CNDP2: variants seen among roughly 807,000 people sequenced by gnomAD.
The protein encoded by CNDP2 is carnosine dipeptidase 2.
CNDP2 carries 38 observed loss-of-function variants against 55.0 expected under a neutral mutation model. The ratio of observed to expected loss-of-function variants is 0.69; its 90% CI spans 0.53 to 0.90. CNDP2 has a LOEUF of 0.90. Among genes scored for constraint, CNDP2 ranks in the 40% least tolerant of loss-of-function variants. CNDP2 has a pLI of 0.00. For missense variants in CNDP2, 607 were observed against 621.7 expected (o/e 0.98, Z 0.25); for synonymous variants, 241 against 260.2 (o/e 0.93, Z 0.71).
chr18:74,506,647 G>A (rs545607043), intron 4 of CNDP2, among the ~76,000 whole-genome samples: 1 of 152,120 alleles, frequency 6.6e-6, no homozygotes, highest in African/African-American at 2.4e-5. Flanking sequence ...CCCCCTCCCC[G>A]GCCCTTACCA....
At chr18:74,502,187 G>T (rs1181994789) in intron 3 of CNDP2, among the ~76,000 whole-genome samples, 1 of 152,170 alleles carries the variant, frequency 6.6e-6, no homozygotes, top group Non-Finnish European at 1.5e-5. Flanking sequence ...TTTCATAAGA[G>T]ATATTTTGTG....
At position 74,520,158 on chromosome 18, in the gene CNDP2, T is replaced by G. The variant is rs1478910076; in HGVS notation, c.*90T>G. The G allele has an allele frequency of 1.6e-6, 2 of 1,223,044 alleles. No individual in the cohort carries two copies. The highest frequency in any genetic ancestry group is 2.4e-6 in the Non-Finnish European group (2 of 837,970). The allele number at this position is 1,223,044 out of a possible 1,614,324, so 75.8% of individuals were successfully genotyped here. On this transcript the variant is annotated 3_prime_UTR_variant, in exon 12 of 12. Transcript: ENST00000324262. ...CTTGCCCAGGGAAGTGGAGGTTCCCTCTTTCCTTTCCCTCTTGTCAGGTCA... is the reference window on the plus strand; with the variant it reads ...CTTGCCCAGGGAAGTGGAGGTTCCCGCTTTCCTTTCCCTCTTGTCAGGTCA...
At chr18:74,498,028 G>C (rs1978501853) in intron 1 of CNDP2, 1 of 152,178 alleles carries the variant, frequency 6.6e-6, no homozygotes, top group Non-Finnish European at 1.5e-5. Context: ...GGCCTAGCCT[G>C]GTTTGACTGG....
chr18:74,511,601 G>A (rs372596169), intron 6 of CNDP2, among the ~76,000 whole-genome samples: 2 of 152,012 alleles, frequency 1.3e-5, no homozygotes, highest in Non-Finnish European at 2.9e-5. Context: ...CCAGCTACTC[G>A]GGAGGCTGAG....
Position 74,513,710 on chromosome 18 carries a change from C to A in CNDP2, c.894C>A (p.His298Gln). The change falls in exon 8 of 12, where the codon CAC (histidine) becomes CAA (glutamine). Residue 298 changes from histidine to glutamine, a missense_variant. By Grantham distance (24) the His-to-Gln change is conservative (BLOSUM62 0). Transcript: ENST00000324262. ...AKDVGAQILL[H>Q]SHKKDILMHR... ...ATGTGGGGGCGCAGATCCTCCTGCACAGCCACAAGGTCTGGTTCAGGGCTC... is the reference window on the plus strand; with the variant it reads ...ATGTGGGGGCGCAGATCCTCCTGCAAAGCCACAAGGTCTGGTTCAGGGCTC... The A allele has an allele frequency of 6.2e-7, 1 of 1,613,712 alleles. No individual in the cohort carries two copies. Among genetic ancestry groups the A allele is most frequent in the Non-Finnish European group, 8.5e-7 (1 of 1,179,830 alleles).
At chr18:74,500,969 G>T (rs1978659257) in intron 2 of CNDP2, 1 of 167,558 alleles carries the variant, frequency 6.0e-6, no homozygotes, top group Non-Finnish European at 1.3e-5. Context: ...AATAACATCG[G>T]TTTTTAAGTC....
chr18:74,502,492 T>G (rs1978764345), intron 3 of CNDP2, among the ~76,000 whole-genome samples: 1 of 140,704 alleles, frequency 7.1e-6, no homozygotes, highest in African/African-American at 2.7e-5. Context: ...TTTGTCGGGA[T>G]GGGGTTTCAC....
intron 7 of CNDP2, 107 bp downstream of exon 7, chr18:74,512,639 C>A: frequency 2.3e-6 from 2 of 880,392 alleles, no homozygotes; most frequent in Non-Finnish European, 3.6e-6. Flanking sequence ...CCACATGAAC[C>A]AACTTCTGTC....
At chr18:74,510,693 G>A (rs546243549) in intron 5 of CNDP2, 120 bp from the exon 6 acceptor site, 59 of 840,046 alleles carry the variant, frequency 7.0e-5, no homozygotes, top group Middle Eastern at 7.3e-4. Flanking sequence ...AGGTGCACAC[G>A]GAGGCCCATG....
chr18:74,504,659 G>A (rs1464790580), intron 3 of CNDP2: 2 of 152,210 alleles, frequency 1.3e-5, no homozygotes, highest in Non-Finnish European at 2.9e-5. Flanking sequence ...CGTTGTGTCT[G>A]TTAATACCTA....
intron 6 of CNDP2, 88 bp from the exon 7 acceptor site, chr18:74,512,360 G>A (rs897133997): frequency 3.2e-6 from 4 of 1,241,514 alleles, no homozygotes; most frequent in South Asian, 2.9e-5. Context: ...GTCAGGCCTT[G>A]TAAATGCTCT....
At chr18:74,518,106 C>T (rs888740511) in intron 9 of CNDP2, 1 of 158,822 alleles carries the variant, frequency 6.3e-6, no homozygotes, top group Admixed American at 6.0e-5. Flanking sequence ...ACTGAAAAGA[C>T]AAAAATTAGC....
At chr18:74,516,532 G>A (rs1157916073) in intron 9 of CNDP2, 140 bp downstream of exon 9, 4 of 800,084 alleles carry the variant, frequency 5.0e-6, no homozygotes, top group African/African-American at 1.7e-5. Context: ...CAGTAATTAT[G>A]ACAGTCACGG....
At position 74,501,479 on chromosome 18, in the gene CNDP2, G is replaced by A. The variant is rs761384528; in HGVS notation, c.204+7G>A. The A allele has an allele frequency of 3.7e-6, 6 of 1,612,014 alleles. No individual in the cohort carries two copies. The Admixed American group carries it at 8.4e-5, about 22-fold the overall frequency. ...GGATATCGGAAAACAAAAGGTAGGA[G>A]GCAACATTCTTTGCATTGCAGGACC... On this transcript the variant is annotated splice_region_variant and intron_variant, in intron 3 of 11. Coordinates refer to ENST00000324262, the MANE Select transcript of CNDP2 (RefSeq NM_018235.3).
rs769756785 is a variant in CNDP2 at position 74,501,458 on chromosome 18, A to T, written c.190A>T (p.Ile64Phe). The change falls in exon 3 of 12, where the codon ATC becomes TTC. Residue 64 changes from isoleucine to phenylalanine, a missense_variant. Coordinates refer to ENST00000324262, the MANE Select transcript of CNDP2 (RefSeq NM_018235.3). ...GGGGGGCTCTGTGGAACTGGTGGATATCGGAAAACAAAAGGTAGGAGGCAA... is the reference window on the plus strand; with the variant it reads ...GGGGGGCTCTGTGGAACTGGTGGATTTCGGAAAACAAAAGGTAGGAGGCAA... ...QLGGSVELVD[I>F]GKQKLPDGSE... The T allele has an allele frequency of 1.2e-6, 2 of 1,613,524 alleles. No individual in the cohort carries two copies. The highest frequency in any genetic ancestry group is 2.7e-5 in the African/African-American group (2 of 74,884).
Position 74,499,949 on chromosome 18 carries a change from C to T in CNDP2, c.-25C>T, listed in dbSNP as rs191869036. ...TCTTCCTTCCAAGAACCTTCGAGAT[C>T]TGCGGTCTGGGGTCTGGTTGAAAGA... On this transcript the variant is annotated 5_prime_UTR_variant, in exon 2 of 12. Coordinates refer to ENST00000324262, the MANE Select transcript of CNDP2 (RefSeq NM_018235.3). The T allele has an allele frequency of 1.0e-4, 167 of 1,612,724 alleles. No individual in the cohort carries two copies. The African/African-American group carries it at 2.0e-3, about 19-fold the overall frequency.
Position 74,513,672 on chromosome 18 carries a change from G to A in CNDP2, c.856G>A (p.Glu286Lys), listed in dbSNP as rs1373793957. The A allele has an allele frequency of 1.2e-6, 2 of 1,613,988 alleles. No homozygotes were observed. Among genetic ancestry groups the A allele is most frequent in the Non-Finnish European group, 1.7e-6 (2 of 1,180,026 alleles). Residue 286 changes from glutamate (E) to lysine (K), a missense_variant, in exon 8 of 12, where the codon GAG becomes AAG. Transcript: ENST00000324262. The stretch of plus-strand genomic sequence containing the variant: ...CGACGACATCGACTTTGACATAGAG[G>A]AGTTTGCCAAGGATGTGGGGGCGCA... ...LYDDIDFDIEEFAKDVGAQIL... is the reference protein window; with the variant it reads ...LYDDIDFDIEKFAKDVGAQIL...
At chr18:74,506,714 G>A (rs1375114286) in intron 4 of CNDP2, among the ~76,000 whole-genome samples, 1 of 152,226 alleles carries the variant, frequency 6.6e-6, no homozygotes, top group Non-Finnish European at 1.5e-5. Context: ...GCCCCAGTGG[G>A]GGTGGCGATG....
At chr18:74,499,455 T>A (rs1978569969) in intron 1 of CNDP2, 1 of 153,268 alleles carries the variant, frequency 6.5e-6, no homozygotes, top group Non-Finnish European at 1.5e-5. Flanking sequence ...AATCTGGTTT[T>A]CCTTGGGCTC....
Sources: gnomAD v4.1 joint callset for allele counts (sites outside exome capture counted in the v4.1 genomes callset) on GRCh38, gnomAD v4.1.1 for gene constraint, MANE v1.5 for transcripts, NCBI Gene and HGNC (gene_info 2026-07-23, HGNC 2026-07-21) for gene names.